Variants in CCDC117 observed in about 807,000 individuals in gnomAD.
CCDC117 encodes coiled-coil domain-containing protein 117.
A neutral mutation model predicts 23.5 loss-of-function variants in CCDC117; 1 was observed. The ratio of observed to expected loss-of-function variants is 0.04; its 90% CI spans 0.02 to 0.20. The LOEUF (loss-of-function observed/expected upper bound fraction) is 0.20, where lower values mean the gene tolerates loss of function less well. Among genes scored for constraint, CCDC117 ranks in the 10% least tolerant of loss-of-function variants. The pLI is 1.00. For missense variants in CCDC117, 383 were observed against 348.2 expected, an observed-to-expected ratio of 1.10 and a Z score of -0.80; for synonymous variants, 132 against 124.8, an observed-to-expected ratio of 1.06 and a Z score of -0.39.
intron 2 of CCDC117, among the ~76,000 whole-genome samples, 186 bp downstream of exon 2, chr22:28,773,964 CTT>C (rs1232797317): frequency 4.6e-5 from 7 of 152,080 alleles, no homozygotes; most frequent in Non-Finnish European, 8.8e-5. Context: ...CAGAGGGAAA[CTT>C]TTCGCTCTAT....
chr22:28,782,347 C>T (rs1405423410), intron 3 of CCDC117, among the ~76,000 whole-genome samples: 2 of 151,208 alleles, frequency 1.3e-5, no homozygotes, highest in Admixed American at 1.3e-4. Context: ...CAACCTCCGC[C>T]TCCCAGGTTC....
rs1422791473 is a variant in CCDC117 at position 28,788,463 on chromosome 22, A to G, written c.*2137A>G. On this transcript the variant is annotated 3_prime_UTR_variant, in exon 5 of 5. Coordinates refer to ENST00000249064, the MANE Select transcript of CCDC117 (RefSeq NM_173510.4). ...GGAATTGCTGGGCAGGTCTCCGACTAAAGGTCTTATGATGAAAAGGAAGAA... is the reference window on the plus strand; with the variant it reads ...GGAATTGCTGGGCAGGTCTCCGACTGAAGGTCTTATGATGAAAAGGAAGAA... 6.6e-6 allele frequency: 1 copy of G among 152,334 alleles called. No homozygotes were observed. The highest frequency in any genetic ancestry group is 1.9e-4 in the East Asian group (1 of 5,206). The allele number at this position is 152,334 out of a possible 1,614,324, so 9.4% of individuals were successfully genotyped here.
At chr22:28,779,366 C>CT (rs772426837) in intron 2 of CCDC117, among the ~76,000 whole-genome samples, 6,946 of 144,948 alleles carry the variant, frequency 0.048, 196 homozygotes, top group Non-Finnish European at 0.068. Context: ...CTGCGCCCAG[C>CT]TTTTTTTTTT....
At chr22:28,780,647 C>T (rs1398999152) in intron 2 of CCDC117, among the ~76,000 whole-genome samples, 1 of 152,130 alleles carries the variant, frequency 6.6e-6, no homozygotes, top group African/African-American at 2.4e-5. Context: ...CTTTACTTCC[C>T]ACTTGACCTT....
chr22:28,785,685 C>T (rs575262056), intron 4 of CCDC117, among the ~76,000 whole-genome samples: 1 of 152,138 alleles, frequency 6.6e-6, no homozygotes, highest in Non-Finnish European at 1.5e-5. Context: ...CTTCCAATCA[C>T]AGCATCATTA....
At chr22:28,777,836 A>T (rs1335048587) in intron 2 of CCDC117, among the ~76,000 whole-genome samples, 2 of 149,976 alleles carry the variant, frequency 1.3e-5, no homozygotes, top group Non-Finnish European at 3.0e-5. Flanking sequence ...TGGCTTATTG[A>T]TCTTTTTCTT....
rs1330411206 is a variant in CCDC117, at chr22:28,786,123, C to T, written c.637C>T (p.Pro213Ser). 1.9e-6 allele frequency: 3 copies of T among 1,613,612 alleles called. No homozygotes were observed. In the Admixed American group the frequency reaches 5.0e-5, roughly 27 times the overall value. The change falls in exon 5 of 5, where the codon CCC becomes TCC. Residue 213 changes from proline to serine, a missense_variant. Physicochemically the swap from Pro to Ser is moderately conservative, Grantham distance 74 (BLOSUM62 -1). Transcript: ENST00000249064. Reference sequence around the variant, plus strand: ...TTCCATGGAGCTTGTTCTCTGGAAACCCCTCCCTGAACTCCTTTCTGATAA... The same window carrying T: ...TTCCATGGAGCTTGTTCTCTGGAAATCCCTCCCTGAACTCCTTTCTGATAA... The part of the protein sequence containing the change: ...RPSMELVLWK[P>S]LPELLSDKPK...
rs2031529603 is a variant in CCDC117, at chr22:28,786,901, T to C, written c.*575T>C. On this transcript the variant is annotated 3_prime_UTR_variant, in exon 5 of 5. Transcript: ENST00000249064. ...GCTCTGTTGATTAAATAGCCGATAG[T>C]ATTGTGGCTCTCCTCTTTGACTATG... 6.5e-6 allele frequency: 1 copy of C among 152,694 alleles called. No homozygotes were observed. The highest frequency in any genetic ancestry group is 1.5e-5 in the Non-Finnish European group (1 of 68,074). The allele number at this position is 152,694 out of a possible 1,614,324, so 9.5% of individuals were successfully genotyped here.
chr22:28,780,878 G>T (rs2031294579), intron 2 of CCDC117, 70 bp from the exon 3 acceptor site: 18 of 1,151,536 alleles, frequency 1.6e-5, no homozygotes, highest in Non-Finnish European at 2.1e-5. Context: ...AACTTGATTG[G>T]AGATAGGAAT....
chr22:28,781,678 T>C (rs1331446914), intron 3 of CCDC117, among the ~76,000 whole-genome samples: 2 of 150,172 alleles, frequency 1.3e-5, no homozygotes, highest in African/African-American at 2.4e-5. Context: ...GGAGTTTTGC[T>C]CGTTACCTAG....
intron 2 of CCDC117, among the ~76,000 whole-genome samples, chr22:28,776,839 C>T (rs1249490089): frequency 6.6e-6 from 1 of 152,208 alleles, no homozygotes; most frequent in Non-Finnish European, 1.5e-5. Flanking sequence ...TCGCCTTGGC[C>T]TCCCAAAGTG....
chr22:28,783,105 G>T (rs1462960870), intron 3 of CCDC117, among the ~76,000 whole-genome samples: 1 of 151,992 alleles, frequency 6.6e-6, no homozygotes, highest in African/African-American at 2.4e-5. Flanking sequence ...GCAATGGCAC[G>T]ATCTTGGTTC....
intron 3 of CCDC117, among the ~76,000 whole-genome samples, chr22:28,782,413 C>T (rs1234285486): frequency 2.0e-5 from 3 of 151,824 alleles, no homozygotes; most frequent in Non-Finnish European, 2.9e-5. Flanking sequence ...TGTCTGCCAC[C>T]GCACCTGGCC....
intron 3 of CCDC117, among the ~76,000 whole-genome samples, 182 bp downstream of exon 3, chr22:28,781,354 T>TTTTTTTTTTTTC: frequency 7.8e-5 from 1 of 12,786 alleles, no homozygotes; most frequent in African/African-American, 8.1e-4. Context: ...TTTTTTTTTT[T>TTTTTTTTTTTTC]TTTTTTTTTT....
rs2031506181 is a variant in CCDC117 at position 28,786,261 on chromosome 22, A to G, written c.775A>G (p.Thr259Ala). ...TGAACTGTTTTCGGAACCTCGGCCAACAGGGATGTCTCTTTATAATAGTTT... is the reference window on the plus strand; with the variant it reads ...TGAACTGTTTTCGGAACCTCGGCCAGCAGGGATGTCTCTTTATAATAGTTT... ...RTELFSEPRP[T>A]GMSLYNSLET... The change falls in exon 5 of 5, where the codon ACA becomes GCA. Residue 259 changes from threonine (T) to alanine (A), a missense_variant. Transcript: ENST00000249064. The G allele has an allele frequency of 3.1e-6, 5 of 1,614,110 alleles. No homozygotes were observed. In the South Asian group the frequency reaches 4.4e-5, roughly 14 times the overall value.
chr22:28,785,154 GTCA>G (rs1158357146), intron 4 of CCDC117, among the ~76,000 whole-genome samples: 1 of 151,172 alleles, frequency 6.6e-6, no homozygotes, highest in African/African-American at 2.4e-5. Flanking sequence ...GTGTAACATA[GTCA>G]TTTTGCCTTA....
intron 2 of CCDC117, among the ~76,000 whole-genome samples, chr22:28,775,203 G>T (rs1335983200): frequency 1.1e-4 from 17 of 152,210 alleles, no homozygotes; most frequent in Non-Finnish European, 8.8e-5. Context: ...GGAGGTTGCA[G>T]TGAGCCAAGA....
chr22:28,773,918 T>A, intron 2 of CCDC117, 140 bp downstream of exon 2: 1 of 704,960 alleles, frequency 1.4e-6, no homozygotes, highest in Non-Finnish European at 2.5e-6. Flanking sequence ...ACATTGGTTG[T>A]CTTTTAGAGA....
chr22:28,780,955 G>C lies in CCDC117; in HGVS notation c.247G>C (p.Val83Leu), dbSNP rs770648007. 1 of 1,609,462 alleles carries C rather than the reference G, an allele frequency of 6.2e-7. No homozygotes were observed. Among genetic ancestry groups the C allele is most frequent in the Admixed American group, 1.7e-5 (1 of 59,530 alleles). The change falls in exon 3 of 5, where the codon GTA becomes CTA. Residue 83 changes from valine to leucine, a missense_variant. Coordinates refer to ENST00000249064, the MANE Select transcript of CCDC117 (RefSeq NM_173510.4). ...TTTTTTTCTTTTTTTCAGTTGTCCA[G>C]TAAGAAAGAAAAGGATAACTGAAGC... ...REEEEDDDCPVRKKRITEAEL... is the reference protein window; with the variant it reads ...REEEEDDDCPLRKKRITEAEL...
Sources: gnomAD v4.1 joint callset for allele counts (sites outside exome capture counted in the v4.1 genomes callset) on GRCh38, gnomAD v4.1.1 for gene constraint, MANE v1.5 for transcripts, NCBI Gene and HGNC (gene_info 2026-07-23, HGNC 2026-07-21) for gene names.